The following OMA1 variants were observed in gnomAD, a reference collection of about 807,000 sequenced individuals.
OMA1 encodes the protein OMA1 zinc metallopeptidase.
Under a neutral mutation model 30.9 loss-of-function variants are expected in OMA1, and 38 were observed. The observed-to-expected ratio is 1.23, with a 90% CI of 0.95 to 1.61. OMA1 has a LOEUF of 1.61. OMA1 is among the 40% of genes most tolerant of loss of function. The pLI is 0.00. For synonymous variants in OMA1, 173 were observed against 121.9 expected (o/e 1.42, Z -2.76); for missense variants, 461 against 349.2 (o/e 1.32, Z -2.55).
chr1:58,491,407 C>A (rs1221051165), intron 8 of OMA1, among the ~76,000 whole-genome samples: 1 of 152,248 alleles, frequency 6.6e-6, no homozygotes, highest in South Asian at 2.1e-4. Flanking sequence ...CAAATTCACA[C>A]ATAACAATAT....
intron 8 of OMA1, among the ~76,000 whole-genome samples, chr1:58,500,103 A>C (rs1645881976): frequency 6.6e-6 from 1 of 152,188 alleles, no homozygotes; most frequent in African/African-American, 2.4e-5. Context: ...AAATATCATT[A>C]CTTTCCCCTT....
At chr1:58,490,884 C>A (rs975116547) in intron 8 of OMA1, among the ~76,000 whole-genome samples, 21 of 140,206 alleles carry the variant, frequency 1.5e-4, no homozygotes, top group African/African-American at 4.5e-4. Flanking sequence ...CGGCTCACAG[C>A]AAGCTCTGCC....
chr1:58,543,187 G>A (rs1398161059), intron 1 of OMA1, among the ~76,000 whole-genome samples: 1 of 152,146 alleles, frequency 6.6e-6, no homozygotes, highest in African/African-American at 2.4e-5. Flanking sequence ...TTTCTTCAAT[G>A]AGTTTCTGTA....
At chr1:58,520,630 T>C (rs1412709599) in intron 7 of OMA1, among the ~76,000 whole-genome samples, 2 of 151,922 alleles carry the variant, frequency 1.3e-5, no homozygotes, top group Non-Finnish European at 2.9e-5. Context: ...TATTAAAGAT[T>C]TACCATGCAA....
At chr1:58,508,905 ACTGGCTTCTGTCT>A (rs1304745378) in intron 7 of OMA1, among the ~76,000 whole-genome samples, 1 of 152,102 alleles carries the variant, frequency 6.6e-6, no homozygotes, top group Non-Finnish European at 1.5e-5. Context: ...TGTCCAAGGG[ACTGGCTTCTGTCT>A]CATCTGTCTT....
intron 7 of OMA1, among the ~76,000 whole-genome samples, chr1:58,506,915 G>C (rs558489692): frequency 6.6e-6 from 1 of 151,978 alleles, no homozygotes; most frequent in African/African-American, 2.4e-5. Flanking sequence ...CTTTTTAAAA[G>C]AATATATGTA....
intron 5 of OMA1, among the ~76,000 whole-genome samples, chr1:58,532,597 G>A (rs1646451305): frequency 1.3e-5 from 2 of 152,122 alleles, no homozygotes; most frequent in East Asian, 3.8e-4. Context: ...GTGCGATCAT[G>A]GCTCACTGTA....
intron 8 of OMA1, among the ~76,000 whole-genome samples, chr1:58,501,867 C>A (rs750191253): frequency 3.3e-5 from 5 of 152,034 alleles, no homozygotes; most frequent in Non-Finnish European, 5.9e-5. Context: ...GGGCCCTGAT[C>A]GAATAGGATT....
intron 8 of OMA1, among the ~76,000 whole-genome samples, chr1:58,482,064 A>C (rs1645495944): frequency 6.6e-6 from 1 of 152,238 alleles, no homozygotes; most frequent in African/African-American, 2.4e-5. Context: ...AGGAAAAGTA[A>C]TCACAGTGTA....
At chr1:58,526,091 TAAAC>T (rs1490583221) in intron 7 of OMA1, among the ~76,000 whole-genome samples, 2 of 152,060 alleles carry the variant, frequency 1.3e-5, no homozygotes, top group Non-Finnish European at 2.9e-5. Context: ...CTTACTGAGA[TAAAC>T]AAAGATTTCC....
chr1:58,541,293 CAAAAAAAAAAAAAAAAAAAAAAAA>C (rs71043292), intron 1 of OMA1, among the ~76,000 whole-genome samples: 17 of 27,572 alleles, frequency 6.2e-4, no homozygotes, highest in Admixed American at 3.2e-3. Context: ...GACTCTGTCT[CAAAAAAAAAAAAAAAAAAAAAAAA>C]AAAAAAAAAA....
intron 8 of OMA1, among the ~76,000 whole-genome samples, chr1:58,488,830 T>C (rs929036352): frequency 1.8e-4 from 28 of 152,252 alleles, no homozygotes; most frequent in African/African-American, 6.5e-4. Flanking sequence ...GTCTTATGCC[T>C]TTGCATCCTC....
intron 7 of OMA1, among the ~76,000 whole-genome samples, chr1:58,506,610 T>C (rs536637442): frequency 3.1e-4 from 47 of 152,298 alleles, no homozygotes; most frequent in African/African-American, 1.0e-3. Flanking sequence ...AGCCCACTAT[T>C]TTCAGTATGA....
chr1:58,530,795 T>C, intron 5 of OMA1, 66 bp from the exon 6 acceptor site: 1 of 798,930 alleles, frequency 1.3e-6, no homozygotes, highest in Non-Finnish European at 2.2e-6. Context: ...TTACATTTTC[T>C]AGTTCATCAT....
intron 8 of OMA1, among the ~76,000 whole-genome samples, chr1:58,502,667 G>A (rs1292644481): frequency 6.6e-6 from 1 of 152,218 alleles, no homozygotes; most frequent in African/African-American, 2.4e-5. Flanking sequence ...TACTGCCTGA[G>A]AAACTGCCTT....
intron 8 of OMA1, among the ~76,000 whole-genome samples, chr1:58,482,755 A>G (rs1380504675): frequency 6.6e-6 from 1 of 152,124 alleles, no homozygotes; most frequent in African/African-American, 2.4e-5. Context: ...AATCATTCCA[A>G]GAGGGAGCTG....
chr1:58,481,018 T>C lies in OMA1; in HGVS notation c.1522A>G (p.Lys508Glu). The change falls in exon 9 of 9, where the codon AAA becomes GAA. Residue 508 changes from lysine to glutamate, a missense_variant. By Grantham distance (56) the Lys-to-Glu change is moderately conservative. Transcript: ENST00000371226. The stretch of plus-strand genomic sequence containing the variant: ...TATGTTAATGGTATTTGCTCCTGTT[T>C]TTGAATAGGAAGAGTATCCATTTTC... ...KQKMDTLPIQKQEQIPLTYIV... is the reference protein window; with the variant it reads ...KQKMDTLPIQEQEQIPLTYIV... 1 of 871,864 alleles carries C rather than the reference T, an allele frequency of 1.1e-6. No homozygotes were observed. The highest frequency in any genetic ancestry group is 2.0e-6 in the Non-Finnish European group (1 of 501,242). The allele number at this position is 871,864 out of a possible 1,614,324, so 54.0% of individuals were successfully genotyped here. A position where few individuals can be genotyped will look rare whatever the true frequency, so the allele number is the denominator to read the frequency against.
chr1:58,537,724 C>G lies in OMA1; in HGVS notation c.501-983G>C, dbSNP rs377450766. On this transcript the variant is annotated intron_variant, in intron 2 of 8. Transcript: ENST00000371226. ...AAAGTTCTCTTTGTGAAGTGACACA[C>G]CCCAATGCCTTTACACAAAGTGTGT... is the stretch of plus-strand genomic sequence containing the variant. 4.6e-5 allele frequency among the ~76,000 whole-genome samples: 7 copies of G among 152,280 alleles called. No individual in the cohort carries two copies. In the East Asian group the frequency reaches 7.7e-4, roughly 17 times the overall value.
chr1:58,530,752 A>G (rs1409453050), intron 5 of OMA1, 23 bp from the exon 6 acceptor site: 2 of 867,888 alleles, frequency 2.3e-6, no homozygotes, highest in Non-Finnish European at 4.0e-6. Context: ...AAAATAATAA[A>G]AACTACATTT....
Sources: gnomAD v4.1 joint callset for allele counts (sites outside exome capture counted in the v4.1 genomes callset) on GRCh38, gnomAD v4.1.1 for gene constraint, MANE v1.5 for transcripts, NCBI Gene and HGNC (gene_info 2026-07-23, HGNC 2026-07-21) for gene names.